Variants in SLC14A2 observed in about 807,000 individuals in gnomAD.
The protein encoded by SLC14A2 is solute carrier family 14 member 2.
In SLC14A2, 91 loss-of-function variants were observed where a neutral mutation model predicts 104.6. The observed-to-expected ratio is 0.87, with a 90% CI of 0.73 to 1.04. The LOEUF (loss-of-function observed/expected upper bound fraction) is 1.04. Ranked by LOEUF, SLC14A2 falls within the 50% of genes least tolerant of loss-of-function variation. SLC14A2 has a pLI of 0.00. For missense variants in SLC14A2, 1,189 were observed against 1,156.0 expected (o/e 1.03, Z -0.41); for synonymous variants, 476 against 466.4 (o/e 1.02, Z -0.27).
At position 45,546,647 on chromosome 18, in the gene SLC14A2, C is replaced by T. The variant is rs143444349; in HGVS notation, c.-35+63325C>T. The stretch of plus-strand genomic sequence containing the variant: ...AATAGTCAAAGGATTGGTTTCGAAG[C>T]CAGACTGATTTCAAATCTATCACTC... On this transcript the variant is annotated intron_variant, in intron 2 of 20. Transcript: ENST00000586448. Among the ~76,000 whole-genome samples, 14 of 152,292 alleles carry T rather than the reference C, an allele frequency of 9.2e-5. No individual in the cohort carries two copies. In the East Asian group the frequency reaches 2.5e-3, roughly 27 times the overall value.
chr18:45,640,013 GAC>G (rs2045494528), intron 7 of SLC14A2, 120 bp downstream of exon 7: 1 of 953,202 alleles, frequency 1.0e-6, no homozygotes. Context: ...CTTTCAGGGA[GAC>G]AGGCACGGTG....
intron 1 of SLC14A2, among the ~76,000 whole-genome samples, chr18:45,270,842 T>C (rs1386171111): frequency 6.6e-6 from 1 of 152,176 alleles, no homozygotes; most frequent in Admixed American, 6.6e-5. Flanking sequence ...TACTGGACTC[T>C]AGCTCAGCCT....
chr18:45,502,466 T>C (rs1455543136), intron 2 of SLC14A2, among the ~76,000 whole-genome samples: 1 of 152,184 alleles, frequency 6.6e-6, no homozygotes, highest in Non-Finnish European at 1.5e-5. Context: ...GACCATAAAA[T>C]GCATCTTATT....
intron 10 of SLC14A2, among the ~76,000 whole-genome samples, chr18:45,656,482 G>A (rs1310928739): frequency 6.6e-6 from 1 of 152,200 alleles, no homozygotes; most frequent in Non-Finnish European, 1.5e-5. Context: ...GAGTAAGAGA[G>A]TGACATAATA....
the SLC14A2 span, among the ~76,000 whole-genome samples, chr18:45,196,133 A>G: frequency 1.3e-5 from 2 of 152,240 alleles, no homozygotes; most frequent in South Asian, 2.1e-4. Flanking sequence ...CCAAAACTCA[A>G]TGATTGGCAC....
chr18:45,489,583 T>C (rs1482329002), intron 2 of SLC14A2, among the ~76,000 whole-genome samples: 1 of 152,074 alleles, frequency 6.6e-6, no homozygotes, highest in African/African-American at 2.4e-5. Context: ...GTGAAGAAAT[T>C]GAGATTCAAA....
rs1028391408 is a variant in SLC14A2, at chr18:45,468,393, A to G, written c.-124-14840A>G. Among the ~76,000 whole-genome samples the G allele has an allele frequency of 2.8e-4, 43 of 152,076 alleles. 1 individual carries two copies. Among genetic ancestry groups the G allele is most frequent in the Non-Finnish European group, 2.2e-4 (15 of 68,012 alleles). Reference sequence around the variant, plus strand: ...CAATGCTTTCAAAATGCATTTAATCATCTAGAGTTCTGGAAACTTAGCAAA... The same window carrying G: ...CAATGCTTTCAAAATGCATTTAATCGTCTAGAGTTCTGGAAACTTAGCAAA... On this transcript the variant is annotated intron_variant, in intron 1 of 20. Transcript: ENST00000586448.
chr18:45,207,720 A>G, the SLC14A2 span, among the ~76,000 whole-genome samples: 3 of 152,208 alleles, frequency 2.0e-5, no homozygotes, highest in Admixed American at 2.0e-4. Flanking sequence ...TAGAGCAAAC[A>G]CACAGACATA....
intron 1 of SLC14A2, among the ~76,000 whole-genome samples, chr18:45,303,020 A>AAAAAG (rs1279047849): frequency 2.0e-5 from 3 of 152,184 alleles, no homozygotes; most frequent in Admixed American, 2.0e-4. Context: ...TTGATTTAAA[A>AAAAAG]AAAAGAAAAG....
At chr18:45,447,744 G>T (rs148802451) in intron 1 of SLC14A2, 1 of 152,122 alleles carries the variant, frequency 6.6e-6, no homozygotes, top group Admixed American at 6.5e-5. Context: ...CAAGGAGGCC[G>T]AAGTTTATTT....
At chr18:45,633,803 T>A (rs2045380251) in intron 5 of SLC14A2, among the ~76,000 whole-genome samples, 1 of 152,248 alleles carries the variant, frequency 6.6e-6, no homozygotes, top group South Asian at 2.1e-4. Flanking sequence ...CTTTTATTAC[T>A]TTTTAGTAGT....
intron 1 of SLC14A2, among the ~76,000 whole-genome samples, chr18:45,424,711 C>A (rs2144529498): frequency 6.6e-6 from 1 of 152,310 alleles, no homozygotes; most frequent in South Asian, 2.1e-4. Context: ...CACTGAAGCT[C>A]CAAGAAGGTA....
At chr18:45,673,390 G>T (rs954972966) in intron 17 of SLC14A2, among the ~76,000 whole-genome samples, 1 of 152,194 alleles carries the variant, frequency 6.6e-6, no homozygotes. Flanking sequence ...AGGAGGAGAG[G>T]TTCTCTTTCT....
At chr18:45,204,885 C>A in the SLC14A2 span, among the ~76,000 whole-genome samples, 1 of 151,758 alleles carries the variant, frequency 6.6e-6, no homozygotes, top group Non-Finnish European at 1.5e-5. Flanking sequence ...CTGCCTCACA[C>A]TCCACCTATG....
chr18:45,240,348 G>A (rs1193756873), intron 1 of SLC14A2, among the ~76,000 whole-genome samples: 1 of 151,808 alleles, frequency 6.6e-6, no homozygotes, highest in East Asian at 1.9e-4. Flanking sequence ...GCCCACCTCG[G>A]CCCCCCAAAG....
chr18:45,586,949 A>G (rs2044574623), intron 2 of SLC14A2, among the ~76,000 whole-genome samples: 1 of 151,998 alleles, frequency 6.6e-6, no homozygotes, highest in Non-Finnish European at 1.5e-5. Context: ...AGTAAGAATA[A>G]CTGTCCTTAC....
At chr18:45,649,377 A>G (rs1043209716) in intron 10 of SLC14A2, among the ~76,000 whole-genome samples, 3 of 151,638 alleles carry the variant, frequency 2.0e-5, no homozygotes, top group African/African-American at 7.3e-5. Flanking sequence ...GCTATCTCCC[A>G]CTCCTAAATT....
intron 7 of SLC14A2, among the ~76,000 whole-genome samples, chr18:45,640,694 C>G (rs577727539): frequency 6.6e-6 from 1 of 152,106 alleles, no homozygotes; most frequent in East Asian, 1.9e-4. Context: ...GTTTTAAACT[C>G]ATCAAAAAAT....
At chr18:45,257,836 G>T (rs542452261) in intron 1 of SLC14A2, among the ~76,000 whole-genome samples, 1 of 152,100 alleles carries the variant, frequency 6.6e-6, no homozygotes, top group Non-Finnish European at 1.5e-5. Flanking sequence ...GTTTCAAAAC[G>T]TATGTGCATT....
Sources: allele counts gnomAD v4.1 joint callset (sites outside exome capture counted in the v4.1 genomes callset), GRCh38; gene constraint gnomAD v4.1.1; transcripts MANE v1.5; gene names NCBI Gene and HGNC (gene_info 2026-07-23, HGNC 2026-07-21).